The following ELMO1 variants were observed in gnomAD, a reference collection of about 807,000 sequenced individuals.
The protein encoded by ELMO1 is engulfment and cell motility protein 1.
In ELMO1, 26 loss-of-function variants were observed where a neutral mutation model predicts 98.9. The ratio of observed to expected loss-of-function variants is 0.26; its 90% CI spans 0.19 to 0.36. ELMO1 has a LOEUF of 0.36. ELMO1 is among the 10% of genes least tolerant of loss of function. ELMO1 has a pLI of 1.00. For synonymous variants in ELMO1, 346 were observed against 346.0 expected, an observed-to-expected ratio of 1.00 and a Z score of 0.00; for missense variants, 627 against 935.2, an observed-to-expected ratio of 0.67 and a Z score of 4.30.
chr7:37,114,189 C>T (rs1177113774), intron 14 of ELMO1, among the ~76,000 whole-genome samples: 1 of 152,178 alleles, frequency 6.6e-6, no homozygotes, highest in Non-Finnish European at 1.5e-5. Context: ...ATCACTATGG[C>T]ATCTTTCCTA....
intron 6 of ELMO1, among the ~76,000 whole-genome samples, chr7:37,254,422 C>T (rs938341970): frequency 1.3e-5 from 2 of 152,118 alleles, no homozygotes; most frequent in South Asian, 2.1e-4. Flanking sequence ...CTTAACAATG[C>T]GATACATGCT....
At chr7:37,394,352 G>A (rs1006792824) in intron 1 of ELMO1, among the ~76,000 whole-genome samples, 1 of 152,174 alleles carries the variant, frequency 6.6e-6, no homozygotes, top group African/African-American at 2.4e-5. Context: ...GCTAAGTTGA[G>A]TGACAGGTGG....
intron 6 of ELMO1, among the ~76,000 whole-genome samples, chr7:37,248,735 T>C (rs1298481098): frequency 1.3e-5 from 2 of 152,242 alleles, no homozygotes; most frequent in Admixed American, 6.5e-5. Flanking sequence ...ACGTGCATGG[T>C]GTCAGCTGGC....
At chr7:37,287,675 G>A (rs1797465051) in intron 4 of ELMO1, among the ~76,000 whole-genome samples, 2 of 152,168 alleles carry the variant, frequency 1.3e-5, no homozygotes, top group African/African-American at 4.8e-5. Flanking sequence ...TCCTACATAA[G>A]TTCATGAACC....
chr7:37,295,100 A>T (rs1487155955), intron 4 of ELMO1, among the ~76,000 whole-genome samples: 1 of 152,246 alleles, frequency 6.6e-6, no homozygotes, highest in East Asian at 1.9e-4. Context: ...TTTAACACAT[A>T]AAACAATTCT....
intron 1 of ELMO1, among the ~76,000 whole-genome samples, chr7:37,406,722 G>A (rs1008602663): frequency 3.9e-5 from 6 of 152,082 alleles, no homozygotes; most frequent in African/African-American, 4.8e-5. Context: ...GATTACAGGC[G>A]GGAGCCATCG....
At chr7:37,408,024 G>A (rs1803843935) in intron 1 of ELMO1, among the ~76,000 whole-genome samples, 1 of 152,110 alleles carries the variant, frequency 6.6e-6, no homozygotes, top group Non-Finnish European at 1.5e-5. Flanking sequence ...AAAAAATTGT[G>A]TCAAGTCTGT....
chr7:37,036,221 A>T (rs1475932846), intron 15 of ELMO1, among the ~76,000 whole-genome samples: 1 of 152,172 alleles, frequency 6.6e-6, no homozygotes. Context: ...TTGAAAAAAA[A>T]AACCATGCAT....
At chr7:37,200,547 G>A (rs1792229366) in intron 13 of ELMO1, among the ~76,000 whole-genome samples, 1 of 152,148 alleles carries the variant, frequency 6.6e-6, no homozygotes, top group South Asian at 2.1e-4. Context: ...TGTGACGAAT[G>A]GGCCACCTGA....
intron 14 of ELMO1, among the ~76,000 whole-genome samples, chr7:37,126,371 G>A (rs1363451139): frequency 2.0e-5 from 3 of 148,272 alleles, no homozygotes; most frequent in East Asian, 3.9e-4. Context: ...GCACCATGCC[G>A]AATCAAACAG....
At chr7:37,424,447 T>A (rs1386499418) in intron 1 of ELMO1, among the ~76,000 whole-genome samples, 2 of 152,188 alleles carry the variant, frequency 1.3e-5, no homozygotes, top group African/African-American at 2.4e-5. Flanking sequence ...GATGGATGGA[T>A]TGCCCCATAC....
chr7:36,986,280 A>T (rs1421340495), intron 16 of ELMO1: 1 of 984,714 alleles, frequency 1.0e-6, no homozygotes, highest in Non-Finnish European at 1.2e-6. Flanking sequence ...ATCTTCAGAG[A>T]TCATCGGCTT....
intron 4 of ELMO1, among the ~76,000 whole-genome samples, chr7:37,284,514 C>T (rs1797293954): frequency 6.6e-6 from 1 of 152,114 alleles, no homozygotes; most frequent in Non-Finnish European, 1.5e-5. Context: ...ACCTTGACAT[C>T]GCTGGCTCTG....
chr7:36,975,558 T>G (rs984321054), intron 16 of ELMO1, among the ~76,000 whole-genome samples: 3 of 152,094 alleles, frequency 2.0e-5, no homozygotes, highest in African/African-American at 7.2e-5. Flanking sequence ...ATTTAAAAGA[T>G]AAAACTGGCT....
At chr7:37,323,683 AATCT>A (rs1161429164) in intron 2 of ELMO1, among the ~76,000 whole-genome samples, 4 of 152,178 alleles carry the variant, frequency 2.6e-5, no homozygotes, top group Non-Finnish European at 4.4e-5. Flanking sequence ...GCTGATTTTC[AATCT>A]ATCTCTCTCT....
At chr7:37,064,469 G>C (rs367574221) in intron 15 of ELMO1, among the ~76,000 whole-genome samples, 3 of 152,112 alleles carry the variant, frequency 2.0e-5, no homozygotes, top group South Asian at 2.1e-4. Context: ...AGTGGGCCTT[G>C]GGCTAACTAC....
intron 13 of ELMO1, among the ~76,000 whole-genome samples, chr7:37,196,108 GAAC>G (rs1273985441): frequency 6.6e-6 from 1 of 152,148 alleles, no homozygotes; most frequent in Non-Finnish European, 1.5e-5. Flanking sequence ...ATCAACAAAT[GAAC>G]AACATCAAGA....
chr7:36,931,988 C>T (rs1786088222), intron 16 of ELMO1, among the ~76,000 whole-genome samples: 1 of 152,090 alleles, frequency 6.6e-6, no homozygotes, highest in Non-Finnish European at 1.5e-5. Context: ...TTCAGGTAAC[C>T]AGATACTATA....
At chr7:37,335,329 T>C (rs573256449) in intron 2 of ELMO1, among the ~76,000 whole-genome samples, 1 of 151,650 alleles carries the variant, frequency 6.6e-6, no homozygotes, top group African/African-American at 2.4e-5. Context: ...GGCATACTTT[T>C]AGAAGGAAAC....
Sources: allele counts gnomAD v4.1 joint callset (sites outside exome capture counted in the v4.1 genomes callset), GRCh38; gene constraint gnomAD v4.1.1; transcripts MANE v1.5; gene names NCBI Gene and HGNC (gene_info 2026-07-23, HGNC 2026-07-21).